The following PLCB1 variants were observed in gnomAD, a reference collection of about 807,000 sequenced individuals.
PLCB1 encodes phospholipase C beta 1, also known as 1-phosphatidylinositol 4,5-bisphosphate phosphodiesterase beta-1.
A neutral mutation model predicts 161.8 loss-of-function variants in PLCB1; 46 were observed. The ratio of observed to expected loss-of-function variants is 0.28; its 90% CI spans 0.22 to 0.36. The LOEUF (loss-of-function observed/expected upper bound fraction) is 0.36, where lower values mean the gene tolerates loss of function less well. Ranked by LOEUF, PLCB1 falls within the 10% of genes least tolerant of loss-of-function variation. The probability of loss-of-function intolerance (pLI) is 1.00; values close to 1 mark genes in which losing one functional copy is unlikely to be tolerated. For missense variants in PLCB1, 1,016 were observed against 1,472.5 expected, an observed-to-expected ratio of 0.69 and a Z score of 5.07; for synonymous variants, 517 against 503.7, an observed-to-expected ratio of 1.03 and a Z score of -0.35.
chr20:8,370,012 A>G (rs1204346443), intron 2 of PLCB1, among the ~76,000 whole-genome samples: 3 of 152,228 alleles, frequency 2.0e-5, no homozygotes, highest in African/African-American at 7.2e-5. Context: ...GCTGGTTCTT[A>G]GGGAGCTTGG....
intron 1 of PLCB1, among the ~76,000 whole-genome samples, chr20:8,139,081 G>GTTTTTTTTTTTTTTTTTT (rs71329695): frequency 4.4e-5 from 4 of 91,628 alleles, no homozygotes; most frequent in Non-Finnish European, 5.9e-5. Flanking sequence ...TATTTCAAGG[G>GTTTTTTTTTTTTTTTTTT]TTTTTTTTTT....
At chr20:8,869,709 G>A (rs1447541745) in intron 31 of PLCB1, among the ~76,000 whole-genome samples, 7 of 152,210 alleles carry the variant, frequency 4.6e-5, no homozygotes, top group Non-Finnish European at 7.3e-5. Flanking sequence ...TCATAAGATT[G>A]TGGGGTTCAG....
chr20:8,650,292 T>C (rs933563115), intron 7 of PLCB1, among the ~76,000 whole-genome samples: 1 of 152,070 alleles, frequency 6.6e-6, no homozygotes, highest in Non-Finnish European at 1.5e-5. Flanking sequence ...CGGAAGCAGC[T>C]TTCCATAAGA....
At chr20:8,602,860 A>C (rs1286176677) in intron 3 of PLCB1, among the ~76,000 whole-genome samples, 2 of 152,200 alleles carry the variant, frequency 1.3e-5, no homozygotes, top group African/African-American at 4.8e-5. Flanking sequence ...CAAGCAATAA[A>C]ATTTTCCTAA....
At chr20:8,643,779 T>TTCTCTTTCTCCCTCTCCCTCTCCCCACGG (rs1989037855) in intron 4 of PLCB1, among the ~76,000 whole-genome samples, 5 of 54,630 alleles carry the variant, frequency 9.2e-5, no homozygotes, top group African/African-American at 3.8e-4. Context: ...CTCTCCCTCT[T>TTCTCTTTCTCCCTCTCCCTCTCCCCACGG]TCTCCCTCTC....
Position 8,789,167 on chromosome 20 carries a change from C to T in PLCB1, c.3279-351C>T, listed in dbSNP as rs773725780. ...CCTAGGTGGGAGGATTGCTTGAGGCCAGGAGTTCAATAGGGGCCTGGGCAA... is the reference window on the plus strand; with the variant it reads ...CCTAGGTGGGAGGATTGCTTGAGGCTAGGAGTTCAATAGGGGCCTGGGCAA... On this transcript the variant is annotated intron_variant, in intron 29 of 31. Transcript: ENST00000338037. Among the ~76,000 whole-genome samples the T allele has an allele frequency of 1.4e-4, 21 of 152,212 alleles. No homozygotes were observed. In the South Asian group the frequency reaches 3.1e-3, roughly 23 times the overall value.
At chr20:8,259,834 G>A (rs184950258) in intron 2 of PLCB1, among the ~76,000 whole-genome samples, 1 of 152,058 alleles carries the variant, frequency 6.6e-6, no homozygotes, top group Admixed American at 6.6e-5. Flanking sequence ...GAAATACTTG[G>A]GTATCTCACA....
At chr20:8,422,192 C>G (rs746144580) in intron 3 of PLCB1, among the ~76,000 whole-genome samples, 2 of 152,178 alleles carry the variant, frequency 1.3e-5, no homozygotes, top group African/African-American at 2.4e-5. Flanking sequence ...ATAGCGTCAG[C>G]TGGTGAAGTT....
chr20:8,835,159 G>GGGAAGAGTAAAATTTCTA (rs1226373913), intron 31 of PLCB1, among the ~76,000 whole-genome samples: 2 of 138,326 alleles, frequency 1.4e-5, no homozygotes, highest in African/African-American at 5.1e-5. Context: ...AGGGATCTGT[G>GGGAAGAGTAAAATTTCTA]GGAAGAGTAA....
intron 2 of PLCB1, among the ~76,000 whole-genome samples, chr20:8,214,074 C>T (rs73897318): frequency 0.018 from 2,766 of 152,020 alleles, 104 homozygotes; most frequent in African/African-American, 0.063. Flanking sequence ...AAAGCAAAAG[C>T]GAAACAAAGG....
At chr20:8,531,502 T>C (rs1422428864) in intron 3 of PLCB1, among the ~76,000 whole-genome samples, 4 of 152,088 alleles carry the variant, frequency 2.6e-5, no homozygotes, top group Non-Finnish European at 5.9e-5. Context: ...TATGTATGCA[T>C]TCCTTGTGCC....
intron 2 of PLCB1, among the ~76,000 whole-genome samples, chr20:8,330,431 T>A (rs1985323890): frequency 6.6e-6 from 1 of 152,230 alleles, no homozygotes; most frequent in South Asian, 2.1e-4. Flanking sequence ...AGAGCCATGC[T>A]GCATTGATAA....
At chr20:8,374,232 G>A (rs1179911786) in intron 3 of PLCB1, among the ~76,000 whole-genome samples, 2 of 152,134 alleles carry the variant, frequency 1.3e-5, no homozygotes, top group Non-Finnish European at 2.9e-5. Flanking sequence ...CACGAGATCT[G>A]ATGGTTTTAT....
Position 8,484,174 on chromosome 20 carries a change from C to T in PLCB1, c.246+112724C>T, listed in dbSNP as rs138702889. On this transcript the variant is annotated intron_variant, in intron 3 of 31. Transcript: ENST00000338037. The stretch of plus-strand genomic sequence containing the variant: ...CCGAGTAGCTGGGATCATAGGCATG[C>T]GCCACCATGCCCAGCTAATTTTGTA... Among the ~76,000 whole-genome samples, 784 of 152,170 alleles carry T rather than the reference C, an allele frequency of 5.2e-3. 2 individuals carry two copies. The highest frequency in any genetic ancestry group is 0.031 in the Middle Eastern group (9 of 294).
intron 3 of PLCB1, among the ~76,000 whole-genome samples, chr20:8,546,088 G>C (rs997293521): frequency 1.3e-5 from 2 of 151,988 alleles, no homozygotes; most frequent in African/African-American, 4.8e-5. Context: ...AGGCCGAGGC[G>C]GACGGATCAC....
intron 2 of PLCB1, among the ~76,000 whole-genome samples, chr20:8,349,005 T>C (rs1986088004): frequency 6.6e-6 from 1 of 152,154 alleles, no homozygotes; most frequent in South Asian, 2.1e-4. Context: ...TATATATATG[T>C]ATGTATATAC....
chr20:8,694,290 T>G lies in PLCB1; in HGVS notation c.1010-3336T>G, dbSNP rs546406140. ...TAGGATAATTATGGATAAATGTGGGTTTTCTCAAAGTATGCTTTCTTTGGG... is the reference window on the plus strand; with the variant it reads ...TAGGATAATTATGGATAAATGTGGGGTTTCTCAAAGTATGCTTTCTTTGGG... On this transcript the variant is annotated intron_variant, in intron 10 of 31. Transcript: ENST00000338037. 2.0e-5 allele frequency among the ~76,000 whole-genome samples: 3 copies of G among 152,272 alleles called. No homozygotes were observed. In the East Asian group the frequency reaches 5.8e-4, roughly 29 times the overall value.
intron 9 of PLCB1, among the ~76,000 whole-genome samples, chr20:8,667,458 C>A (rs1989841602): frequency 6.6e-6 from 1 of 152,168 alleles, no homozygotes; most frequent in Non-Finnish European, 1.5e-5. Flanking sequence ...CATTGGTTGA[C>A]TTGGCAACTC....
chr20:8,320,907 AGAAGAAGAG>A (rs1011839049), intron 2 of PLCB1, among the ~76,000 whole-genome samples: 58 of 146,832 alleles, frequency 4.0e-4, no homozygotes, highest in East Asian at 7.8e-4. Flanking sequence ...GAAGAAGAAA[AGAAGAAGAG>A]GAAGAAGAGG....
Sources: gnomAD v4.1 joint callset for allele counts (sites outside exome capture counted in the v4.1 genomes callset) on GRCh38, gnomAD v4.1.1 for gene constraint, MANE v1.5 for transcripts, NCBI Gene and HGNC (gene_info 2026-07-23, HGNC 2026-07-21) for gene names.